The following PTPRK variants were observed in gnomAD, a reference collection of about 807,000 sequenced individuals.
PTPRK encodes the protein protein tyrosine phosphatase receptor type K.
Under a neutral mutation model 178.0 loss-of-function variants are expected in PTPRK, and 75 were observed. That is an observed-to-expected ratio of 0.42 (90% CI 0.35 to 0.51). The LOEUF is 0.51. PTPRK is among the 20% of genes least tolerant of loss of function. The pLI, the probability that PTPRK is intolerant of heterozygous loss-of-function variation, is 0.02. For synonymous variants in PTPRK, 637 were observed against 620.6 expected (o/e 1.03, Z -0.39); for missense variants, 1,441 against 1,797.8 (o/e 0.80, Z 3.59).
chr6:128,004,649 T>G (rs755152663), intron 15 of PTPRK, among the ~76,000 whole-genome samples: 1 of 151,862 alleles, frequency 6.6e-6, no homozygotes, highest in Non-Finnish European at 1.5e-5. Flanking sequence ...TTTAATGCAA[T>G]GATTTTACCT....
At chr6:128,067,344 C>T (rs904629053) in intron 12 of PTPRK, 175 bp downstream of exon 12, 11 of 524,532 alleles carry the variant, frequency 2.1e-5, no homozygotes, top group South Asian at 1.7e-4. Context: ...AACTGGCGTG[C>T]GGCCTCAGCC....
At chr6:128,455,292 T>A (rs1020279367) in intron 1 of PTPRK, among the ~76,000 whole-genome samples, 1 of 152,182 alleles carries the variant, frequency 6.6e-6, no homozygotes, top group African/African-American at 2.4e-5. Flanking sequence ...ATTTGCTGAT[T>A]TGAAATCTCA....
At chr6:128,006,176 T>TAAAA in intron 14 of PTPRK, 3 of 721,172 alleles carry the variant, frequency 4.2e-6, no homozygotes, top group Non-Finnish European at 6.1e-6. Context: ...TAAAATAAAA[T>TAAAA]TCATGTTTTT....
chr6:128,340,708 T>G, intron 2 of PTPRK: 1 of 431,414 alleles, frequency 2.3e-6, no homozygotes, highest in Non-Finnish European at 4.4e-6. Flanking sequence ...AAAATGATGC[T>G]TTGTGGAACC....
intron 3 of PTPRK, among the ~76,000 whole-genome samples, chr6:128,306,680 C>T (rs1270085436): frequency 1.3e-5 from 2 of 151,890 alleles, no homozygotes; most frequent in Non-Finnish European, 2.9e-5. Context: ...GCCTGTAGTC[C>T]CAGCCACTCG....
chr6:128,392,732 C>T (rs1170490947), intron 2 of PTPRK, among the ~76,000 whole-genome samples: 1 of 116,720 alleles, frequency 8.6e-6, no homozygotes, highest in Admixed American at 1.0e-4. Flanking sequence ...CGGAATTTGA[C>T]AAGCAAAAGT....
At chr6:128,047,284 A>ACT (rs1778200769) in intron 13 of PTPRK, among the ~76,000 whole-genome samples, 1 of 152,222 alleles carries the variant, frequency 6.6e-6, no homozygotes, top group South Asian at 2.1e-4. Context: ...GGAAGGACTT[A>ACT]TATCATCATT....
intron 1 of PTPRK, among the ~76,000 whole-genome samples, chr6:128,412,474 G>A (rs533368336): frequency 1.3e-5 from 2 of 152,278 alleles, no homozygotes; most frequent in South Asian, 4.1e-4. Flanking sequence ...AAGCAAAGCT[G>A]GCAGTTCCAA....
At chr6:128,448,599 T>G (rs1047619007) in intron 1 of PTPRK, among the ~76,000 whole-genome samples, 1 of 152,214 alleles carries the variant, frequency 6.6e-6, no homozygotes, top group African/African-American at 2.4e-5. Context: ...AGGCTTTGTA[T>G]TAATAAGATG....
At chr6:128,433,152 T>C (rs975158959) in intron 1 of PTPRK, among the ~76,000 whole-genome samples, 1 of 152,362 alleles carries the variant, frequency 6.6e-6, no homozygotes, top group East Asian at 1.9e-4. Flanking sequence ...TTTTGAAATA[T>C]ACAACATATT....
At chr6:128,258,324 A>G (rs1485524088) in intron 3 of PTPRK, among the ~76,000 whole-genome samples, 2 of 152,142 alleles carry the variant, frequency 1.3e-5, no homozygotes, top group African/African-American at 2.4e-5. Context: ...TGTTAAAAAG[A>G]TCAAAATATG....
chr6:128,153,706 C>T (rs758696065), intron 7 of PTPRK, among the ~76,000 whole-genome samples: 4 of 151,948 alleles, frequency 2.6e-5, no homozygotes, highest in African/African-American at 9.7e-5. Flanking sequence ...CATTATAACA[C>T]TGTTCTGACA....
At chr6:128,226,793 T>TATATATATATATAC (rs1811406285) in intron 5 of PTPRK, among the ~76,000 whole-genome samples, 1 of 140,224 alleles carries the variant, frequency 7.1e-6, no homozygotes, top group Non-Finnish European at 1.5e-5. Context: ...TATATATATA[T>TATATATATATATAC]ATATATTTCA....
At chr6:128,280,411 C>T (rs1232354327) in intron 3 of PTPRK, among the ~76,000 whole-genome samples, 1 of 152,092 alleles carries the variant, frequency 6.6e-6, no homozygotes, top group Non-Finnish European at 1.5e-5. Flanking sequence ...TATCCTTCTC[C>T]TCCTTGTGAC....
At chr6:128,386,708 C>T (rs766366916) in intron 2 of PTPRK, among the ~76,000 whole-genome samples, 1 of 152,074 alleles carries the variant, frequency 6.6e-6, no homozygotes, top group Admixed American at 6.6e-5. Flanking sequence ...TTTAATATTG[C>T]GTGACACTGG....
rs150861904 is a variant in PTPRK at position 128,463,937 on chromosome 6, G to T, written c.100+56322C>A. On this transcript the variant is annotated intron_variant, in intron 1 of 29. Transcript: ENST00000368226. Reference sequence around the variant, plus strand: ...CGGGTAATTTTTGTATTTTTTTTTAGTAGAGATGGGGTTTCACCATGTTGG... The same window carrying T: ...CGGGTAATTTTTGTATTTTTTTTTATTAGAGATGGGGTTTCACCATGTTGG... 5.4e-3 allele frequency among the ~76,000 whole-genome samples: 810 copies of T among 150,838 alleles called. 13 individuals carry two copies. The highest frequency in any genetic ancestry group is 0.019 in the African/African-American group (769 of 41,054).
At chr6:128,063,599 G>A (rs546677985) in intron 13 of PTPRK, 21 of 152,226 alleles carry the variant, frequency 1.4e-4, no homozygotes, top group Admixed American at 1.3e-3. Context: ...TCTCGTTCCT[G>A]ATCAGTAAGC....
chr6:128,259,860 C>T (rs1024425304), intron 3 of PTPRK, among the ~76,000 whole-genome samples: 1 of 152,124 alleles, frequency 6.6e-6, no homozygotes, highest in Non-Finnish European at 1.5e-5. Flanking sequence ...ATGTGACTTC[C>T]TTCTGTAACA....
intron 3 of PTPRK, among the ~76,000 whole-genome samples, chr6:128,288,794 T>C (rs1202657407): frequency 1.3e-5 from 2 of 152,190 alleles, no homozygotes; most frequent in Admixed American, 6.6e-5. Context: ...GTATATGTTA[T>C]ATAATTTAGT....
Sources: gnomAD v4.1 joint callset for allele counts (sites outside exome capture counted in the v4.1 genomes callset) on GRCh38, gnomAD v4.1.1 for gene constraint, MANE v1.5 for transcripts, NCBI Gene and HGNC (gene_info 2026-07-23, HGNC 2026-07-21) for gene names.